RAI14: variants seen among roughly 807,000 people sequenced by gnomAD.
RAI14 encodes the protein retinoic acid induced 14.
RAI14 carries 45 observed loss-of-function variants against 115.4 expected under a neutral mutation model. The ratio of observed to expected loss-of-function variants is 0.39; its 90% CI spans 0.31 to 0.50. The LOEUF (loss-of-function observed/expected upper bound fraction) is 0.50. Ranked by LOEUF, RAI14 falls within the 20% of genes least tolerant of loss-of-function variation. The probability of loss-of-function intolerance (pLI) is 0.85; values close to 1 mark genes in which losing one functional copy is unlikely to be tolerated. For missense variants in RAI14, 939 were observed against 1,131.2 expected, an observed-to-expected ratio of 0.83 and a Z score of 2.44; for synonymous variants, 371 against 415.4, an observed-to-expected ratio of 0.89 and a Z score of 1.30.
intron 2 of RAI14, among the ~76,000 whole-genome samples, chr5:34,745,403 T>C (rs143816503): frequency 1.3e-5 from 2 of 152,316 alleles, no homozygotes; most frequent in East Asian, 3.9e-4. Context: ...TCTAAGTGGC[T>C]CCCTAATATT....
At chr5:34,797,898 C>T (rs534121968) in intron 4 of RAI14, among the ~76,000 whole-genome samples, 42 of 152,276 alleles carry the variant, frequency 2.8e-4, no homozygotes, top group South Asian at 4.1e-4. Flanking sequence ...AAACTGGTGC[C>T]GTCACACGGT....
At chr5:34,688,138 T>C (rs191616709) in intron 2 of RAI14, 2 of 1,529,514 alleles carry the variant, frequency 1.3e-6, no homozygotes, top group East Asian at 4.9e-5. Flanking sequence ...TTGGCCAGAG[T>C]GAAAGTCCTG....
At chr5:34,674,661 T>C (rs1743850470) in intron 1 of RAI14, among the ~76,000 whole-genome samples, 1 of 150,768 alleles carries the variant, frequency 6.6e-6, no homozygotes, top group Non-Finnish European at 1.5e-5. Context: ...CTCACCTGAC[T>C]GCGACCTCCG....
chr5:34,688,140 A>G (rs1434216652), intron 2 of RAI14: 2 of 1,531,422 alleles, frequency 1.3e-6, no homozygotes, highest in African/African-American at 2.8e-5. Flanking sequence ...GGCCAGAGTG[A>G]AAGTCCTGGT....
At chr5:34,745,981 T>C (rs1746133537) in intron 2 of RAI14, among the ~76,000 whole-genome samples, 1 of 151,868 alleles carries the variant, frequency 6.6e-6, no homozygotes, top group South Asian at 2.1e-4. Flanking sequence ...ATTTCAGAGG[T>C]AGAACACGAC....
At chr5:34,665,067 G>A (rs575917213) in intron 1 of RAI14, among the ~76,000 whole-genome samples, 18 of 44,978 alleles carry the variant, frequency 4.0e-4, no homozygotes, top group East Asian at 2.5e-3. Flanking sequence ...GTATATATAT[G>A]TGTATATATA....
chr5:34,696,426 A>G (rs7701208), intron 2 of RAI14, among the ~76,000 whole-genome samples: 113,540 of 152,126 alleles, frequency 0.75, 42,608 homozygotes, highest in Middle Eastern at 0.83. Context: ...GTGAGCCACC[A>G]CGCCCGGCCG....
intron 2 of RAI14, among the ~76,000 whole-genome samples, chr5:34,742,344 T>C (rs1442631318): frequency 6.6e-6 from 1 of 152,128 alleles, no homozygotes; most frequent in African/African-American, 2.4e-5. Flanking sequence ...AATACAGGCG[T>C]GGTTAATATC....
At chr5:34,764,487 G>A (rs929949788) in intron 3 of RAI14, among the ~76,000 whole-genome samples, 18 of 151,908 alleles carry the variant, frequency 1.2e-4, no homozygotes, top group Admixed American at 9.2e-4. Context: ...GTGCTACATC[G>A]TGATACATTA....
chr5:34,788,432 A>G (rs963531897), intron 3 of RAI14, among the ~76,000 whole-genome samples: 3 of 152,178 alleles, frequency 2.0e-5, no homozygotes, highest in East Asian at 1.9e-4. Context: ...AGTTGAAACC[A>G]TTGGTTCTCT....
At chr5:34,797,140 T>C (rs979455345) in intron 4 of RAI14, among the ~76,000 whole-genome samples, 2 of 152,172 alleles carry the variant, frequency 1.3e-5, no homozygotes, top group South Asian at 2.1e-4. Flanking sequence ...CATTTTTCGA[T>C]TGTACTCGAG....
At chr5:34,702,567 T>C (rs1740207999) in intron 2 of RAI14, among the ~76,000 whole-genome samples, 1 of 152,204 alleles carries the variant, frequency 6.6e-6, no homozygotes, top group African/African-American at 2.4e-5. Flanking sequence ...CCAGGCTCTG[T>C]TACCTTAATC....
At chr5:34,715,596 A>G (rs954064689) in intron 2 of RAI14, among the ~76,000 whole-genome samples, 1 of 152,146 alleles carries the variant, frequency 6.6e-6, no homozygotes, top group African/African-American at 2.4e-5. Flanking sequence ...GTTGCTACCT[A>G]AAAAGTCTTT....
At position 34,686,877 on chromosome 5, in the gene RAI14, G is replaced by GAA. The variant is rs777598670; in HGVS notation, c.-40_-39dup. ...TCCTTTTTTTCTCTGCTTAGGTGTTGAAAAGTCTCCTCTAGAGCTTTGGAA... is the reference window on the plus strand; with the variant it reads ...TCCTTTTTTTCTCTGCTTAGGTGTTGAAAAAAGTCTCCTCTAGAGCTTTGGAA... On this transcript the variant is annotated 5_prime_UTR_variant, in exon 2 of 18. Coordinates refer to ENST00000265109, the MANE Select transcript of RAI14 (RefSeq NM_015577.3). 6.2e-7 allele frequency: 1 copy of GAA among 1,607,478 alleles called. No individual in the cohort carries two copies. The highest frequency in any genetic ancestry group is 1.3e-5 in the African/African-American group (1 of 74,800).
intron 6 of RAI14, 36 bp from the exon 7 acceptor site, chr5:34,808,548 T>G: frequency 6.3e-7 from 1 of 1,592,244 alleles, no homozygotes. Context: ...AATAACTGTG[T>G]GATTGGCTGT....
chr5:34,822,500 C>T (rs1469180333), intron 14 of RAI14, among the ~76,000 whole-genome samples: 1 of 151,220 alleles, frequency 6.6e-6, no homozygotes, highest in Non-Finnish European at 1.5e-5. Flanking sequence ...CCCAATAGAA[C>T]CCAAAGCAAG....
At chr5:34,772,302 G>C (rs921181943) in intron 3 of RAI14, among the ~76,000 whole-genome samples, 13 of 152,190 alleles carry the variant, frequency 8.5e-5, no homozygotes, top group African/African-American at 2.4e-4. Flanking sequence ...TTAGAATCCA[G>C]AAATTACTTG....
intron 2 of RAI14, among the ~76,000 whole-genome samples, chr5:34,731,962 G>A (rs1260650818): frequency 6.6e-6 from 1 of 152,296 alleles, no homozygotes; most frequent in African/African-American, 2.4e-5. Context: ...TCGGTGGAGT[G>A]GAGGGAGAGG....
Position 34,810,158 on chromosome 5 carries a change from G to C in RAI14, c.451-854G>C, listed in dbSNP as rs527841311. On this transcript the variant is annotated intron_variant, in intron 7 of 17. Transcript: ENST00000265109. ...GTAGCACTTGTATTTTTAAATAGTT[G>C]GATATATTGTAACATCTTTTCCCTT... Among the ~76,000 whole-genome samples the C allele has an allele frequency of 9.2e-5, 14 of 152,068 alleles. No homozygotes were observed. The South Asian group carries it at 2.3e-3, about 25-fold the overall frequency.
Sources: gnomAD v4.1 joint callset for allele counts (sites outside exome capture counted in the v4.1 genomes callset) on GRCh38, gnomAD v4.1.1 for gene constraint, MANE v1.5 for transcripts, NCBI Gene and HGNC (gene_info 2026-07-23, HGNC 2026-07-21) for gene names.